Variants in KCND2 observed in about 807,000 individuals in gnomAD.
The protein encoded by KCND2 is potassium voltage-gated channel subfamily D member 2, also known as A-type voltage-gated potassium channel KCND2.
Under a neutral mutation model 54.4 loss-of-function variants are expected in KCND2, and 16 were observed. The ratio of observed to expected loss-of-function variants is 0.29; its 90% CI spans 0.20 to 0.45. The LOEUF is 0.45. Ranked by LOEUF, KCND2 falls within the 20% of genes least tolerant of loss-of-function variation. The pLI, the probability that KCND2 is intolerant of heterozygous loss-of-function variation, is 1.00. For missense variants in KCND2, 486 were observed against 824.2 expected (o/e 0.59, Z 5.02); for synonymous variants, 317 against 310.7 (o/e 1.02, Z -0.21).
chr7:120,418,151 A>G (rs1801551549), intron 1 of KCND2, among the ~76,000 whole-genome samples: 1 of 152,158 alleles, frequency 6.6e-6, no homozygotes, highest in Non-Finnish European at 1.5e-5. Context: ...ATTTCATTCT[A>G]AATCCTATTA....
At chr7:120,438,065 T>TG (rs879773664) in intron 1 of KCND2, among the ~76,000 whole-genome samples, 28 of 152,294 alleles carry the variant, frequency 1.8e-4, no homozygotes, top group African/African-American at 6.7e-4. Flanking sequence ...ACCAGATGAG[T>TG]GGCTGTCATT....
intron 1 of KCND2, among the ~76,000 whole-genome samples, chr7:120,714,923 T>A (rs184542990): frequency 4.6e-5 from 7 of 152,156 alleles, no homozygotes; most frequent in African/African-American, 1.4e-4. Context: ...AATCACAGAA[T>A]AACTTGTTGA....
intron 1 of KCND2, among the ~76,000 whole-genome samples, chr7:120,476,772 A>T (rs979412098): frequency 6.6e-6 from 1 of 152,216 alleles, no homozygotes; most frequent in Admixed American, 6.5e-5. Flanking sequence ...GACTCATATT[A>T]TAGGACAATG....
At chr7:120,278,213 C>T (rs192009288) in intron 1 of KCND2, among the ~76,000 whole-genome samples, 37 of 151,922 alleles carry the variant, frequency 2.4e-4, no homozygotes, top group Non-Finnish European at 5.0e-4. Flanking sequence ...TTCTTATAAG[C>T]CCTGCCTTTT....
At chr7:120,372,619 ACTAC>A (rs1425482628) in intron 1 of KCND2, among the ~76,000 whole-genome samples, 2 of 151,916 alleles carry the variant, frequency 1.3e-5, no homozygotes, top group African/African-American at 4.8e-5. Flanking sequence ...TTTATAAAGA[ACTAC>A]CTGTTTTATT....
chr7:120,282,824 A>T (rs1799286045), intron 1 of KCND2, among the ~76,000 whole-genome samples: 2 of 152,298 alleles, frequency 1.3e-5, no homozygotes, highest in Middle Eastern at 6.8e-3. Flanking sequence ...TGTGGCTCAC[A>T]GAGTTCAATT....
At chr7:120,346,037 C>T (rs1267160253) in intron 1 of KCND2, among the ~76,000 whole-genome samples, 1 of 152,076 alleles carries the variant, frequency 6.6e-6, no homozygotes, top group Non-Finnish European at 1.5e-5. Context: ...AGTGGCCATC[C>T]TGATAGGTAA....
intron 1 of KCND2, among the ~76,000 whole-genome samples, chr7:120,377,459 T>A (rs950860065): frequency 6.6e-6 from 1 of 151,884 alleles, no homozygotes; most frequent in Non-Finnish European, 1.5e-5. Flanking sequence ...ATATTCCATT[T>A]AATCATTGAG....
At chr7:120,677,262 A>T (rs373333201) in intron 1 of KCND2, among the ~76,000 whole-genome samples, 1 of 152,192 alleles carries the variant, frequency 6.6e-6, no homozygotes, top group African/African-American at 2.4e-5. Context: ...GGAAATGCAA[A>T]GTATTTGCAT....
chr7:120,328,150 A>T (rs979535942), intron 1 of KCND2, among the ~76,000 whole-genome samples: 2 of 152,246 alleles, frequency 1.3e-5, no homozygotes, highest in East Asian at 3.9e-4. Context: ...GGTATTGTTC[A>T]ATAGCTCAGT....
At chr7:120,548,258 A>G (rs1792066482) in intron 1 of KCND2, among the ~76,000 whole-genome samples, 1 of 152,064 alleles carries the variant, frequency 6.6e-6, no homozygotes, top group African/African-American at 2.4e-5. Context: ...TTTTGTGGAA[A>G]CCGACCTAAA....
intron 1 of KCND2, among the ~76,000 whole-genome samples, chr7:120,679,215 C>CT (rs1190708886): frequency 6.6e-6 from 1 of 151,606 alleles, no homozygotes; most frequent in South Asian, 2.1e-4. Context: ...TCATCATAAT[C>CT]TTTTTTTTAT....
At chr7:120,654,075 T>G (rs984997392) in intron 1 of KCND2, among the ~76,000 whole-genome samples, 1 of 152,196 alleles carries the variant, frequency 6.6e-6, no homozygotes, top group African/African-American at 2.4e-5. Flanking sequence ...GTTTATTATT[T>G]GCAATGATGA....
At chr7:120,290,494 A>G (rs753114361) in intron 1 of KCND2, among the ~76,000 whole-genome samples, 2 of 151,892 alleles carry the variant, frequency 1.3e-5, no homozygotes, top group African/African-American at 2.4e-5. Flanking sequence ...TCTCTATGCT[A>G]TTGGCTCGTA....
intron 1 of KCND2, among the ~76,000 whole-genome samples, chr7:120,396,004 A>G (rs571574104): frequency 6.6e-6 from 1 of 152,190 alleles, no homozygotes; most frequent in Admixed American, 6.6e-5. Flanking sequence ...GTGTTCTCTT[A>G]GACATCCAAC....
chr7:120,478,041 A>T (rs1802555097), intron 1 of KCND2, among the ~76,000 whole-genome samples: 1 of 152,206 alleles, frequency 6.6e-6, no homozygotes, highest in African/African-American at 2.4e-5. Flanking sequence ...GATAATAATA[A>T]TAATGTTATT....
chr7:120,497,003 G>A (rs1462345067), intron 1 of KCND2, among the ~76,000 whole-genome samples: 1 of 152,138 alleles, frequency 6.6e-6, no homozygotes, highest in East Asian at 1.9e-4. Context: ...AATGGCATTT[G>A]AGTTTGTCTA....
intron 1 of KCND2, among the ~76,000 whole-genome samples, chr7:120,563,434 G>A (rs1330921161): frequency 2.0e-5 from 3 of 152,074 alleles, no homozygotes; most frequent in African/African-American, 7.2e-5. Context: ...TATACATGAA[G>A]CCTAGCTATC....
chr7:120,672,053 T>C (rs1791999869), intron 1 of KCND2, among the ~76,000 whole-genome samples: 1 of 152,100 alleles, frequency 6.6e-6, no homozygotes, highest in Non-Finnish European at 1.5e-5. Context: ...TCCTCACCTG[T>C]TCTTTTATTT....
Sources: gnomAD v4.1 joint callset for allele counts (sites outside exome capture counted in the v4.1 genomes callset) on GRCh38, gnomAD v4.1.1 for gene constraint, MANE v1.5 for transcripts, NCBI Gene and HGNC (gene_info 2026-07-23, HGNC 2026-07-21) for gene names.